The following SDK1 variants were observed in gnomAD, a reference collection of about 807,000 sequenced individuals.
SDK1 encodes the protein protein sidekick-1.
Under a neutral mutation model 245.5 loss-of-function variants are expected in SDK1, and 157 were observed. The observed-to-expected ratio is 0.64, with a 90% CI of 0.56 to 0.73. SDK1 has a LOEUF of 0.73. SDK1 is among the 30% of genes least tolerant of loss of function. The pLI is 0.00. For missense variants in SDK1, 3,583 were observed against 3,002.3 expected, an observed-to-expected ratio of 1.19 and a Z score of -4.52; for synonymous variants, 1,647 against 1,278.5, an observed-to-expected ratio of 1.29 and a Z score of -6.15.
At chr7:3,531,740 TAGAAAA>T (rs1170614780) in intron 1 of SDK1, among the ~76,000 whole-genome samples, 1 of 152,226 alleles carries the variant, frequency 6.6e-6, no homozygotes, top group African/African-American at 2.4e-5. Flanking sequence ...AGTTTATTCT[TAGAAAA>T]GGAATGATTT....
At chr7:3,803,497 G>A (rs1261768764) in intron 4 of SDK1, among the ~76,000 whole-genome samples, 1 of 151,600 alleles carries the variant, frequency 6.6e-6, no homozygotes, top group East Asian at 1.9e-4. Context: ...TTTTAGTAGA[G>A]AAGGGGTTTC....
At chr7:4,191,064 TCCACC>T (rs1783175526) in intron 35 of SDK1, among the ~76,000 whole-genome samples, 1 of 152,204 alleles carries the variant, frequency 6.6e-6, no homozygotes, top group Non-Finnish European at 1.5e-5. Context: ...ACTTTCTGTT[TCCACC>T]CTTCAGGGGA....
intron 5 of SDK1, among the ~76,000 whole-genome samples, chr7:3,890,252 C>T (rs565357376): frequency 2.6e-5 from 4 of 152,292 alleles, no homozygotes; most frequent in South Asian, 2.1e-4. Flanking sequence ...GCATGGTAGG[C>T]GCTAGCCACA....
At chr7:3,645,278 T>C (rs562210757) in intron 4 of SDK1, among the ~76,000 whole-genome samples, 5 of 152,350 alleles carry the variant, frequency 3.3e-5, no homozygotes, top group Admixed American at 2.6e-4. Flanking sequence ...ATGAAGCTGT[T>C]GGTAAATCTC....
At chr7:3,900,376 C>T (rs961002306) in intron 5 of SDK1, among the ~76,000 whole-genome samples, 3 of 152,200 alleles carry the variant, frequency 2.0e-5, no homozygotes, top group Non-Finnish European at 4.4e-5. Flanking sequence ...TTGTGGTCCG[C>T]TGTTTAGGTT....
chr7:3,518,920 A>T (rs1782837979), intron 1 of SDK1, among the ~76,000 whole-genome samples: 1 of 152,102 alleles, frequency 6.6e-6, no homozygotes, highest in Non-Finnish European at 1.5e-5. Context: ...ATGAATGGAT[A>T]AAAAATGTGC....
In SDK1 at chr7:3,769,577, C is replaced by T. The variant is rs115470210; in HGVS notation, c.714-51873C>T. 2.0e-3 allele frequency among the ~76,000 whole-genome samples: 302 copies of T among 152,216 alleles called. 1 individual carries two copies. The highest frequency in any genetic ancestry group is 6.9e-3 in the African/African-American group (288 of 41,542). On this transcript the variant is annotated intron_variant, in intron 4 of 44. Coordinates refer to ENST00000404826, the MANE Select transcript of SDK1 (RefSeq NM_152744.4). The stretch of plus-strand genomic sequence containing the variant: ...GGGTATTAATTAAATTTCAATATGA[C>T]TTTCGGAGGGGGCACATATTCAAGC...
chr7:3,878,478 C>G (rs1374699871), intron 5 of SDK1, among the ~76,000 whole-genome samples: 2 of 152,140 alleles, frequency 1.3e-5, no homozygotes, highest in African/African-American at 4.8e-5. Context: ...GATGGCACCA[C>G]TGCACTCCAG....
chr7:4,187,805 G>C (rs1416332763), intron 35 of SDK1, among the ~76,000 whole-genome samples: 1 of 152,222 alleles, frequency 6.6e-6, no homozygotes, highest in African/African-American at 2.4e-5. Context: ...GAAAATACTT[G>C]ATAAGAGTAT....
chr7:3,461,686 A>G (rs1056704049), intron 1 of SDK1, among the ~76,000 whole-genome samples: 3 of 152,106 alleles, frequency 2.0e-5, no homozygotes, highest in Non-Finnish European at 1.5e-5. Context: ...CATCTTTTCA[A>G]CAGATGACAT....
At chr7:3,991,273 C>T (rs1260430533) in intron 14 of SDK1, among the ~76,000 whole-genome samples, 2 of 152,172 alleles carry the variant, frequency 1.3e-5, no homozygotes, top group African/African-American at 2.4e-5. Flanking sequence ...GGGGCTGGGG[C>T]GTTGCTGGCG....
At position 4,266,502 on chromosome 7, in the gene SDK1, T is replaced by C; in HGVS notation, c.*1118T>C. 4 of 985,396 alleles carry C rather than the reference T, an allele frequency of 4.1e-6. No individual in the cohort carries two copies. Among genetic ancestry groups the C allele is most frequent in the Non-Finnish European group, 3.6e-6 (3 of 829,912 alleles). The allele number at this position is 985,396 out of a possible 1,614,324, so 61.0% of individuals were successfully genotyped here. On this transcript the variant is annotated 3_prime_UTR_variant, in exon 45 of 45. Transcript: ENST00000404826. ...GCAGCAGCCACCGCTTCTCCACCAC[T>C]GGCGCTGCTGCTGCCCCCTCTCCCA...
At chr7:3,436,864 A>G (rs1363414788) in intron 1 of SDK1, among the ~76,000 whole-genome samples, 1 of 152,204 alleles carries the variant, frequency 6.6e-6, no homozygotes, top group African/African-American at 2.4e-5. Context: ...ACCCTCCCCA[A>G]GAACCTACAT....
At chr7:4,145,507 G>A (rs963657401) in intron 28 of SDK1, among the ~76,000 whole-genome samples, 5 of 152,134 alleles carry the variant, frequency 3.3e-5, no homozygotes, top group Non-Finnish European at 7.4e-5. Flanking sequence ...TCTGGTGAAG[G>A]ATGGAGCAGG....
intron 4 of SDK1, among the ~76,000 whole-genome samples, chr7:3,793,643 C>T (rs1778876148): frequency 6.6e-6 from 1 of 152,140 alleles, no homozygotes; most frequent in African/African-American, 2.4e-5. Flanking sequence ...ATTTGGGAAG[C>T]TACAAACTGT....
At chr7:3,795,902 C>T (rs1399749805) in intron 4 of SDK1, among the ~76,000 whole-genome samples, 1 of 152,178 alleles carries the variant, frequency 6.6e-6, no homozygotes, top group Non-Finnish European at 1.5e-5. Context: ...AACTTTGGCT[C>T]TCATAAAATG....
chr7:4,081,375 G>A (rs778493876), intron 22 of SDK1, among the ~76,000 whole-genome samples: 1 of 152,176 alleles, frequency 6.6e-6, no homozygotes, highest in South Asian at 2.1e-4. Flanking sequence ...CCTCACCACA[G>A]TTTCTTGGCC....
At chr7:3,554,650 C>T (rs890958771) in intron 1 of SDK1, among the ~76,000 whole-genome samples, 3 of 152,162 alleles carry the variant, frequency 2.0e-5, no homozygotes, top group Non-Finnish European at 4.4e-5. Flanking sequence ...AGGAAAGAGG[C>T]ACTGAGGAGA....
intron 27 of SDK1, 85 bp from the exon 28 acceptor site, chr7:4,132,240 G>T: frequency 1.8e-6 from 2 of 1,084,758 alleles, no homozygotes; most frequent in South Asian, 1.4e-5. Context: ...ACTGCAGCCA[G>T]CTGACCCTCG....
Sources: gnomAD v4.1 joint callset for allele counts (sites outside exome capture counted in the v4.1 genomes callset) on GRCh38, gnomAD v4.1.1 for gene constraint, MANE v1.5 for transcripts, NCBI Gene and HGNC (gene_info 2026-07-23, HGNC 2026-07-21) for gene names.